The following PKP2 variants were observed in gnomAD, a reference collection of about 807,000 sequenced individuals.
The protein encoded by PKP2 is plakophilin 2, also known as plakophilin-2.
PKP2 carries 73 observed loss-of-function variants against 83.4 expected under a neutral mutation model. The ratio of observed to expected loss-of-function variants is 0.88; its 90% CI spans 0.72 to 1.06. The LOEUF is 1.06. Ranked by LOEUF, PKP2 falls within the 50% of genes least tolerant of loss-of-function variation. The pLI is 0.00. For missense variants in PKP2, 966 were observed against 1,065.4 expected, an observed-to-expected ratio of 0.91 and a Z score of 1.30; for synonymous variants, 409 against 430.4, an observed-to-expected ratio of 0.95 and a Z score of 0.62.
At chr12:32,801,592 A>T (rs1398677808) in intron 10 of PKP2, among the ~76,000 whole-genome samples, 2 of 152,214 alleles carry the variant, frequency 1.3e-5, no homozygotes, top group African/African-American at 4.8e-5. Context: ...ATATTTAAAA[A>T]TCTAATCCAT....
rs1028861380 is a variant in PKP2, at chr12:32,843,165, A to G, written c.1379-1960T>C. 1.9e-5 allele frequency: 9 copies of G among 468,914 alleles called. No homozygotes were observed. The highest frequency in any genetic ancestry group is 1.6e-4 in the African/African-American group (8 of 49,412). The allele number at this position is 468,914 out of a possible 1,614,324, so 29.0% of individuals were successfully genotyped here. A position where few individuals can be genotyped will look rare whatever the true frequency, so the allele number is the denominator to read the frequency against. The stretch of plus-strand genomic sequence containing the variant: ...CGGCTAATTTTTTTGTATTTTGAGT[A>G]GAGACAGGGGTCTCACCATGTTGGT... On this transcript the variant is annotated intron_variant, in intron 5 of 12. Coordinates refer to ENST00000340811, the MANE Select transcript of PKP2 (RefSeq NM_001005242.3).
intron 9 of PKP2, among the ~76,000 whole-genome samples, chr12:32,819,742 A>G (rs1956358363): frequency 6.6e-6 from 1 of 152,202 alleles, no homozygotes; most frequent in African/African-American, 2.4e-5. Context: ...CTGTATCCTC[A>G]GAAAAATGAA....
intron 10 of PKP2, among the ~76,000 whole-genome samples, chr12:32,799,434 G>T (rs1308733880): frequency 6.6e-6 from 1 of 152,118 alleles, no homozygotes; most frequent in African/African-American, 2.4e-5. Flanking sequence ...CCACTACTGG[G>T]TATCTACCCA....
At position 32,827,194 on chromosome 12, in the gene PKP2, T is replaced by C. The variant is rs571767857; in HGVS notation, c.1557-3032A>G. On this transcript the variant is annotated intron_variant, in intron 6 of 12. Coordinates refer to ENST00000340811, the MANE Select transcript of PKP2 (RefSeq NM_001005242.3). ...GAATGGTAAGTCAAGTTGGCAGTAC[T>C]GCCAGTTCACAAGTACTAACTGTTG... Among the ~76,000 whole-genome samples, 5 of 152,356 alleles carry C rather than the reference T, an allele frequency of 3.3e-5. 1 individual carries two copies. Among genetic ancestry groups the C allele is most frequent in the African/African-American group, 1.2e-4 (5 of 41,588 alleles).
chr12:32,792,591 C>T, intron 12 of PKP2, 53 bp downstream of exon 12: 2 of 1,549,802 alleles, frequency 1.3e-6, no homozygotes, highest in Non-Finnish European at 1.8e-6. Context: ...GTCAAGTGGG[C>T]CATTATTACC....
chr12:32,850,742 T>A, intron 5 of PKP2, 24 bp downstream of exon 5: 1 of 1,583,538 alleles, frequency 6.3e-7, no homozygotes, highest in South Asian at 1.1e-5. Flanking sequence ...TGTGTTAGGT[T>A]CTTCAATGTT....
At position 32,821,390 on chromosome 12, in the gene PKP2, C is replaced by T. The variant is rs754656865; in HGVS notation, c.1979G>A (p.Gly660Glu). The change falls in exon 9 of 13, where the codon GGA becomes GAA. Residue 660 changes from glycine to glutamate, a missense_variant. Transcript: ENST00000340811. ...VRNYTQEASLGALQNLTAGSG... is the reference protein window; with the variant it reads ...VRNYTQEASLEALQNLTAGSG... Reference sequence around the variant, plus strand: ...TCCGGCCGTGAGGTTCTGCAGAGCTCCTAAGGATGCTTCTTGTGTGTAGTT... The same window carrying T: ...TCCGGCCGTGAGGTTCTGCAGAGCTTCTAAGGATGCTTCTTGTGTGTAGTT... 6.2e-7 allele frequency: 1 copy of T among 1,614,110 alleles called. No individual in the cohort carries two copies. The highest frequency in any genetic ancestry group is 8.5e-7 in the Non-Finnish European group (1 of 1,180,014).
intron 5 of PKP2, among the ~76,000 whole-genome samples, chr12:32,842,473 C>T (rs1205728525): frequency 1.3e-5 from 2 of 152,018 alleles, no homozygotes; most frequent in Admixed American, 6.6e-5. Flanking sequence ...AACTCCTGAC[C>T]TCAAATGATC....
At chr12:32,858,084 A>AATATAT (rs869148477) in intron 4 of PKP2, among the ~76,000 whole-genome samples, 2 of 67,026 alleles carry the variant, frequency 3.0e-5, no homozygotes, top group East Asian at 4.8e-4. Flanking sequence ...AAAAAAAAAA[A>AATATAT]ATATATATAT....
rs138203978 is a variant in PKP2 at position 32,875,981 on chromosome 12, A to G, written c.1034+1865T>C. Among the ~76,000 whole-genome samples the G allele has an allele frequency of 1.3e-4, 20 of 152,292 alleles. No homozygotes were observed. In the East Asian group the frequency reaches 2.7e-3, roughly 21 times the overall value. ...GTACACAGAGCCTCTCTGGAAGAGC[A>G]TCAAGACTTGGAATAGAAGGGTTAC... is the stretch of plus-strand genomic sequence containing the variant. On this transcript the variant is annotated intron_variant, in intron 3 of 12. Coordinates refer to ENST00000340811, the MANE Select transcript of PKP2 (RefSeq NM_001005242.3).
chr12:32,874,998 C>T (rs1423293400), intron 3 of PKP2, among the ~76,000 whole-genome samples: 1 of 152,166 alleles, frequency 6.6e-6, no homozygotes, highest in African/African-American at 2.4e-5. Flanking sequence ...ATCCTCCAGC[C>T]TGGGCCTCCC....
At position 32,892,162 on chromosome 12, in the gene PKP2, C is replaced by T. The variant is rs1376205693; in HGVS notation, c.223+4347G>A. On this transcript the variant is annotated intron_variant, in intron 1 of 12. Transcript: ENST00000340811. ...TTCTGAACGATTAGTCACCTTGCTC[C>T]CCAGAATTGCTTCATTCCTGGGATT... Among the ~76,000 whole-genome samples the T allele has an allele frequency of 2.6e-5, 4 of 152,120 alleles. No individual in the cohort carries two copies. The East Asian group carries it at 7.7e-4, about 29-fold the overall frequency.
chr12:32,816,824 A>G (rs1413777730), intron 9 of PKP2, among the ~76,000 whole-genome samples: 1 of 152,146 alleles, frequency 6.6e-6, no homozygotes, highest in Non-Finnish European at 1.5e-5. Flanking sequence ...TTGATTTGAT[A>G]ATTAATGATG....
chr12:32,843,394 C>G (rs1956618598), intron 5 of PKP2: 1 of 1,089,902 alleles, frequency 9.2e-7, no homozygotes, highest in Admixed American at 1.9e-5. Context: ...CTTGGCTGAA[C>G]TATGTGGCAA....
intron 3 of PKP2, among the ~76,000 whole-genome samples, chr12:32,876,269 G>A (rs1021109647): frequency 6.6e-6 from 1 of 152,156 alleles, no homozygotes; most frequent in Non-Finnish European, 1.5e-5. Flanking sequence ...TGGAATGGAG[G>A]GGACTGAAAT....
Position 32,843,322 on chromosome 12 carries a change from A to T in PKP2, c.1379-2117T>A, listed in dbSNP as rs1956617482. Reference sequence around the variant, plus strand: ...TAAATTGACTGTATGGTCTGTACAAAGGAAAGAGGAAGCATAGGTACTCAG... The same window carrying T: ...TAAATTGACTGTATGGTCTGTACAATGGAAAGAGGAAGCATAGGTACTCAG... On this transcript the variant is annotated intron_variant, in intron 5 of 12. Coordinates refer to ENST00000340811, the MANE Select transcript of PKP2 (RefSeq NM_001005242.3). 2.2e-6 allele frequency: 3 copies of T among 1,365,238 alleles called. No homozygotes were observed. The highest frequency in any genetic ancestry group is 2.0e-6 in the Non-Finnish European group (2 of 1,021,442). The allele number at this position is 1,365,238 out of a possible 1,614,324, so 84.6% of individuals were successfully genotyped here.
chr12:32,798,446 T>C (rs557413837), intron 10 of PKP2, among the ~76,000 whole-genome samples: 2 of 151,664 alleles, frequency 1.3e-5, no homozygotes, highest in East Asian at 1.9e-4. Flanking sequence ...ACTATGTATA[T>C]AACTTCTTGG....
rs571486676 is a variant in PKP2, at chr12:32,840,796, G to A, written c.1556+232C>T. Among the ~76,000 whole-genome samples, 73 of 152,050 alleles carry A rather than the reference G, an allele frequency of 4.8e-4. 1 individual carries two copies. In the South Asian group the frequency reaches 8.1e-3, roughly 17 times the overall value. On this transcript the variant is annotated intron_variant, in intron 6 of 12. Coordinates refer to ENST00000340811, the MANE Select transcript of PKP2 (RefSeq NM_001005242.3). ...GTGTAGGCCGGGCACGGTGGCTCACGCCTATAATCCCAGCACTTCGGGAGG... is the reference window on the plus strand; with the variant it reads ...GTGTAGGCCGGGCACGGTGGCTCACACCTATAATCCCAGCACTTCGGGAGG...
chr12:32,896,154 A>C (rs1957121243), intron 1 of PKP2, among the ~76,000 whole-genome samples: 1 of 152,204 alleles, frequency 6.6e-6, no homozygotes, highest in African/African-American at 2.4e-5. Flanking sequence ...AAAATTCTGC[A>C]TAGCATCTCA....
Sources: allele counts gnomAD v4.1 joint callset (sites outside exome capture counted in the v4.1 genomes callset), GRCh38; gene constraint gnomAD v4.1.1; transcripts MANE v1.5; gene names NCBI Gene and HGNC (gene_info 2026-07-23, HGNC 2026-07-21).